EPHB2: variants seen among roughly 807,000 people sequenced by gnomAD.
EPHB2 encodes the protein EPH receptor B2, also known as ephrin type-B receptor 2.
EPHB2 carries 18 observed loss-of-function variants against 96.4 expected under a neutral mutation model. The observed-to-expected ratio is 0.19, with a 90% CI of 0.13 to 0.28. The LOEUF (loss-of-function observed/expected upper bound fraction) is 0.28, where lower values mean the gene tolerates loss of function less well. Among genes scored for constraint, EPHB2 ranks in the 10% least tolerant of loss-of-function variants. EPHB2 has a pLI of 1.00. For synonymous variants in EPHB2, 506 were observed against 534.1 expected (o/e 0.95, Z 0.72); for missense variants, 989 against 1,355.4 (o/e 0.73, Z 4.25).
At chr1:22,902,402 C>G (rs1054489807) in intron 9 of EPHB2, among the ~76,000 whole-genome samples, 2 of 152,220 alleles carry the variant, frequency 1.3e-5, no homozygotes, top group Non-Finnish European at 2.9e-5. Flanking sequence ...ATACCACCTT[C>G]ACATAAGTAC....
In EPHB2 at chr1:22,752,235, C is replaced by T. The variant is rs372102816; in HGVS notation, c.62-29186C>T. On this transcript the variant is annotated intron_variant, in intron 1 of 15. Coordinates refer to ENST00000374630, the MANE Select transcript of EPHB2 (RefSeq NM_017449.5). ...AAAATTACTAGGTGGGGTGGGCTCA[C>T]GCCCATAATCCCAGCACTTTGGGGG... Among the ~76,000 whole-genome samples the T allele has an allele frequency of 1.5e-3, 230 of 152,362 alleles. 1 individual carries two copies. Among genetic ancestry groups the T allele is most frequent in the African/African-American group, 5.3e-3 (220 of 41,576 alleles).
At chr1:22,886,869 G>A (rs775380200) in intron 6 of EPHB2, among the ~76,000 whole-genome samples, 56 of 151,866 alleles carry the variant, frequency 3.7e-4, no homozygotes, top group Non-Finnish European at 6.2e-4. Flanking sequence ...CAGGTGATCC[G>A]CCCACCTCAG....
At chr1:22,716,569 C>T (rs1159299358) in intron 1 of EPHB2, among the ~76,000 whole-genome samples, 1 of 152,152 alleles carries the variant, frequency 6.6e-6, no homozygotes, top group Non-Finnish European at 1.5e-5. Flanking sequence ...GAACTCCTGA[C>T]CTCAAGTGAC....
intron 8 of EPHB2, 125 bp from the exon 9 acceptor site, chr1:22,896,289 G>T: frequency 1.7e-6 from 2 of 1,207,076 alleles, no homozygotes; most frequent in East Asian, 2.4e-5. Flanking sequence ...AAAGGGGCAG[G>T]CAGGGAGCCC....
chr1:22,761,458 G>C (rs530876892), intron 1 of EPHB2, among the ~76,000 whole-genome samples: 9 of 152,298 alleles, frequency 5.9e-5, no homozygotes, highest in African/African-American at 2.2e-4. Flanking sequence ...CAGAGCATCT[G>C]GCTGGGAACT....
chr1:22,734,697 C>T, intron 1 of EPHB2, among the ~76,000 whole-genome samples: 1 of 152,180 alleles, frequency 6.6e-6, no homozygotes, highest in East Asian at 1.9e-4. Flanking sequence ...CTGGGATTTA[C>T]AGGCATGAGC....
chr1:22,851,487 A>G (rs1285002063), intron 3 of EPHB2, among the ~76,000 whole-genome samples: 1 of 151,830 alleles, frequency 6.6e-6, no homozygotes, highest in Non-Finnish European at 1.5e-5. Context: ...GGATGCTCCC[A>G]CTCCTCTGCC....
chr1:22,760,180 C>T (rs1644215155), intron 1 of EPHB2, among the ~76,000 whole-genome samples: 1 of 152,086 alleles, frequency 6.6e-6, no homozygotes, highest in Non-Finnish European at 1.5e-5. Flanking sequence ...CCCCAAGACC[C>T]CACAGTTTGG....
chr1:22,873,039 AT>A (rs1362820437), intron 5 of EPHB2, among the ~76,000 whole-genome samples: 1 of 152,208 alleles, frequency 6.6e-6, no homozygotes, highest in East Asian at 1.9e-4. Context: ...ATCATTTAAG[AT>A]TGGTTTTGGC....
intron 3 of EPHB2, among the ~76,000 whole-genome samples, chr1:22,806,387 C>T (rs890062328): frequency 6.6e-6 from 1 of 152,174 alleles, no homozygotes; most frequent in African/African-American, 2.4e-5. Flanking sequence ...CAGGAATTGC[C>T]ACATTTCTGT....
At chr1:22,903,784 T>C (rs140670811) in intron 9 of EPHB2, among the ~76,000 whole-genome samples, 14 of 152,260 alleles carry the variant, frequency 9.2e-5, no homozygotes, top group South Asian at 4.1e-4. Context: ...CCTATAGACA[T>C]TGAGTGTCTG....
At chr1:22,722,522 T>C (rs1643490646) in intron 1 of EPHB2, among the ~76,000 whole-genome samples, 1 of 152,202 alleles carries the variant, frequency 6.6e-6, no homozygotes, top group Non-Finnish European at 1.5e-5. Context: ...TGGGAGGTGT[T>C]AAAACATGGC....
chr1:22,788,292 C>A (rs1452275720), intron 3 of EPHB2, among the ~76,000 whole-genome samples: 1 of 152,186 alleles, frequency 6.6e-6, no homozygotes, highest in African/African-American at 2.4e-5. Flanking sequence ...GGCTCCCTTC[C>A]AGGCTCCCTT....
intron 1 of EPHB2, among the ~76,000 whole-genome samples, chr1:22,765,398 T>C (rs1050975637): frequency 2.0e-5 from 3 of 151,838 alleles, no homozygotes; most frequent in Non-Finnish European, 4.4e-5. Flanking sequence ...AATACAAAAA[T>C]TAGCCAGGCA....
rs145953940 is a variant in EPHB2 at position 22,726,716 on chromosome 1, C to G, written c.61+15673C>G. 4.2e-3 allele frequency among the ~76,000 whole-genome samples: 642 copies of G among 152,218 alleles called. 4 individuals are homozygous for G. The highest frequency in any genetic ancestry group is 0.015 in the African/African-American group (604 of 41,512). On this transcript the variant is annotated intron_variant, in intron 1 of 15. Transcript: ENST00000374630. ...GGATTACAGGTGTGAGCTACCATGCCCAGCCCGTAATAGTTAATAATGCTC... is the reference window on the plus strand; with the variant it reads ...GGATTACAGGTGTGAGCTACCATGCGCAGCCCGTAATAGTTAATAATGCTC...
Position 22,797,872 on chromosome 1 carries a change from C to G in EPHB2, c.811+12796C>G, listed in dbSNP as rs370711847. On this transcript the variant is annotated intron_variant, in intron 3 of 15. Coordinates refer to ENST00000374630, the MANE Select transcript of EPHB2 (RefSeq NM_017449.5). ...TCCTTCTGCCGGGAATGTTCTTTCCCTAGATATCCACAGTGGTTGCTCCAT... is the reference window on the plus strand; with the variant it reads ...TCCTTCTGCCGGGAATGTTCTTTCCGTAGATATCCACAGTGGTTGCTCCAT... Among the ~76,000 whole-genome samples, 16 of 152,280 alleles carry G rather than the reference C, an allele frequency of 1.1e-4. No individual in the cohort carries two copies. In the East Asian group the frequency reaches 2.9e-3, roughly 28 times the overall value.
chr1:22,823,758 T>A (rs546621812), intron 3 of EPHB2, among the ~76,000 whole-genome samples: 3 of 152,392 alleles, frequency 2.0e-5, no homozygotes, highest in South Asian at 4.1e-4. Context: ...GATTCCACTA[T>A]CTAAGCTTTT....
chr1:22,795,529 T>C (rs146179326), intron 3 of EPHB2, among the ~76,000 whole-genome samples: 1 of 152,316 alleles, frequency 6.6e-6, no homozygotes, highest in Non-Finnish European at 1.5e-5. Flanking sequence ...ATGCCATTTG[T>C]AATGATAATG....
intron 1 of EPHB2, among the ~76,000 whole-genome samples, chr1:22,738,053 G>C (rs1643865103): frequency 6.6e-6 from 1 of 152,122 alleles, no homozygotes; most frequent in Admixed American, 6.6e-5. Context: ...GCAAGACCTG[G>C]TCAAACCATT....
Sources: allele counts gnomAD v4.1 joint callset (sites outside exome capture counted in the v4.1 genomes callset), GRCh38; gene constraint gnomAD v4.1.1; transcripts MANE v1.5; gene names NCBI Gene and HGNC (gene_info 2026-07-23, HGNC 2026-07-21).